Variants in COBL observed in about 807,000 individuals in gnomAD.
COBL encodes protein cordon-bleu.
Under a neutral mutation model 98.8 loss-of-function variants are expected in COBL, and 51 were observed. The ratio of observed to expected loss-of-function variants is 0.52; its 90% CI spans 0.41 to 0.65. The LOEUF (loss-of-function observed/expected upper bound fraction) is 0.65, where lower values mean the gene tolerates loss of function less well. Ranked by LOEUF, COBL falls within the 30% of genes least tolerant of loss-of-function variation. The pLI is 0.00. For missense variants in COBL, 1,617 were observed against 1,617.5 expected (o/e 1.00, Z 0.01); for synonymous variants, 634 against 651.7 (o/e 0.97, Z 0.41).
intron 9 of COBL, 44 bp from the exon 10 acceptor site, chr7:51,029,635 A>G (rs1321735331): frequency 6.7e-7 from 1 of 1,493,692 alleles, no homozygotes; most frequent in East Asian, 2.3e-5. Context: ...TTCCCACACC[A>G]ATTACTTAGT....
chr7:51,272,426 A>T (rs7808171), intron 1 of COBL, among the ~76,000 whole-genome samples: 82,742 of 152,034 alleles, frequency 0.54, 22,840 homozygotes, highest in African/African-American at 0.63. Context: ...ACTCTATTAT[A>T]CTCACTCCAG....
At chr7:51,258,809 C>T (rs1358804802) in intron 1 of COBL, among the ~76,000 whole-genome samples, 1 of 152,004 alleles carries the variant, frequency 6.6e-6, no homozygotes. Context: ...AATATTATTC[C>T]TTCCCCATTT....
chr7:51,259,016 G>A (rs575879511), intron 1 of COBL, among the ~76,000 whole-genome samples: 3 of 152,148 alleles, frequency 2.0e-5, no homozygotes, highest in South Asian at 2.1e-4. Context: ...GGCCGAGCGC[G>A]GTGGCTCATG....
At chr7:51,270,342 A>C (rs1410341538) in intron 1 of COBL, among the ~76,000 whole-genome samples, 2 of 152,224 alleles carry the variant, frequency 1.3e-5, no homozygotes, top group Non-Finnish European at 2.9e-5. Flanking sequence ...GATCTCCTCC[A>C]AAGATGCAAA....
chr7:51,210,791 ATGCCGTTTC>A (rs1272108987), intron 2 of COBL, among the ~76,000 whole-genome samples: 12 of 152,340 alleles, frequency 7.9e-5, no homozygotes, highest in African/African-American at 2.2e-4. Context: ...GTGTGAGGGA[ATGCCGTTTC>A]TGCTACTTTG....
chr7:51,237,623 GA>G (rs949210366), intron 1 of COBL, among the ~76,000 whole-genome samples: 1 of 149,476 alleles, frequency 6.7e-6, no homozygotes, highest in Non-Finnish European at 1.5e-5. Flanking sequence ...ACTAGCTTTT[GA>G]AAGTTTAATG....
intron 7 of COBL, chr7:51,073,338 T>C (rs1008268032): frequency 4.3e-6 from 3 of 696,620 alleles, no homozygotes; most frequent in South Asian, 1.5e-5. Context: ...AAGAGGCCCG[T>C]CCATCAGAAG....
chr7:51,300,439 G>A (rs1801835144), intron 1 of COBL, among the ~76,000 whole-genome samples: 1 of 152,194 alleles, frequency 6.6e-6, no homozygotes. Flanking sequence ...GGGATTATAG[G>A]CATGAGCCAC....
At chr7:51,232,742 C>T (rs910043475) in intron 1 of COBL, among the ~76,000 whole-genome samples, 4 of 151,852 alleles carry the variant, frequency 2.6e-5, no homozygotes, top group Admixed American at 1.3e-4. Flanking sequence ...ACCTGGGAGA[C>T]GGAGGTTGCA....
At chr7:51,216,275 G>A (rs949840168) in intron 2 of COBL, among the ~76,000 whole-genome samples, 2 of 152,200 alleles carry the variant, frequency 1.3e-5, no homozygotes, top group African/African-American at 4.8e-5. Flanking sequence ...CTGCCTCCCA[G>A]GTTCAAGTGA....
chr7:51,163,835 C>A (rs1787046851), intron 5 of COBL, among the ~76,000 whole-genome samples: 1 of 152,108 alleles, frequency 6.6e-6, no homozygotes, highest in African/African-American at 2.4e-5. Flanking sequence ...TAGATTTTTG[C>A]CAGTGAGTCT....
chr7:51,028,238 T>G lies in COBL; in HGVS notation c.2858A>C (p.Glu953Ala). The G allele has an allele frequency of 6.2e-7, 1 of 1,613,878 alleles. No homozygotes were observed. Among genetic ancestry groups the G allele is most frequent in the Non-Finnish European group, 8.5e-7 (1 of 1,179,866 alleles). Reference sequence around the variant, plus strand: ...CAACTTCCTGTGTGGGCCAATGACCTCCCCCCTAGGAGGGGCTCCCACTGC... The same window carrying G: ...CAACTTCCTGTGTGGGCCAATGACCGCCCCCCTAGGAGGGGCTCCCACTGC... ...DLAVGAPPRG[E>A]VIGPHRKLST... The change falls in exon 10 of 13, where the codon GAG (glutamate) becomes GCG (alanine). Residue 953 changes from glutamate (E) to alanine (A), a missense_variant. This residue lies in a region of COBL where 1,304 missense variants were observed against 1,282.0 expected (regional missense o/e 1.02). Coordinates refer to ENST00000265136, the MANE Select transcript of COBL (RefSeq NM_015198.5).
intron 7 of COBL, among the ~76,000 whole-genome samples, chr7:51,047,310 C>T (rs546642712): frequency 6.6e-6 from 1 of 152,262 alleles, no homozygotes; most frequent in Non-Finnish European, 1.5e-5. Flanking sequence ...TTCTATTGTC[C>T]TCCACCTAAA....
At chr7:51,048,115 G>A (rs142461969) in intron 7 of COBL, among the ~76,000 whole-genome samples, 2,166 of 151,698 alleles carry the variant, frequency 0.014, 43 homozygotes, top group African/African-American at 0.049. Flanking sequence ...GCAGTGAGCC[G>A]AGATCACACC....
At chr7:51,068,726 T>C (rs1792223930) in intron 7 of COBL, among the ~76,000 whole-genome samples, 1 of 152,284 alleles carries the variant, frequency 6.6e-6, no homozygotes, top group East Asian at 1.9e-4. Flanking sequence ...TTTTTGTGTG[T>C]CAATTACACT....
At chr7:51,150,953 G>A (rs1166506375) in intron 5 of COBL, among the ~76,000 whole-genome samples, 1 of 152,066 alleles carries the variant, frequency 6.6e-6, no homozygotes, top group Non-Finnish European at 1.5e-5. Flanking sequence ...CCTTCTTCAG[G>A]AGCAAGAGTC....
chr7:51,299,288 G>A lies in COBL; in HGVS notation c.41+17305C>T, dbSNP rs985844443. On this transcript the variant is annotated intron_variant, in intron 1 of 12. Transcript: ENST00000265136. ...TCCACTGCCTGTCTGCCCAGGAGGT[G>A]CAGCACTGGCTGTTTAGAAAGTATT... Among the ~76,000 whole-genome samples the A allele has an allele frequency of 5.3e-5, 8 of 152,352 alleles. No individual in the cohort carries two copies. In the South Asian group the frequency reaches 1.0e-3, roughly 20 times the overall value.
intron 1 of COBL, 155 bp downstream of exon 1, chr7:51,316,438 C>T: frequency 2.1e-6 from 1 of 484,162 alleles, no homozygotes; most frequent in Non-Finnish European, 3.1e-6. Context: ...ACACCAGCAC[C>T]CAACACCAGC....
chr7:51,228,667 T>C (rs960142345), intron 1 of COBL, among the ~76,000 whole-genome samples: 3 of 152,150 alleles, frequency 2.0e-5, no homozygotes, highest in Admixed American at 2.0e-4. Flanking sequence ...CTCCAGGGCC[T>C]GTAGATATGG....
Sources: allele counts gnomAD v4.1 joint callset (sites outside exome capture counted in the v4.1 genomes callset), GRCh38; gene constraint gnomAD v4.1.1; regional missense constraint gnomAD v4.1.1; transcripts MANE v1.5; gene names NCBI Gene and HGNC (gene_info 2026-07-23, HGNC 2026-07-21).